SCAMP1: variants seen among roughly 807,000 people sequenced by gnomAD.
SCAMP1 encodes secretory carrier-associated membrane protein 1.
SCAMP1 carries 15 observed loss-of-function variants against 41.8 expected under a neutral mutation model. The ratio of observed to expected loss-of-function variants is 0.36; its 90% confidence interval spans 0.24 to 0.55. The LOEUF is 0.55. SCAMP1 is among the 20% of genes least tolerant of loss of function. The probability of loss-of-function intolerance (pLI) is 0.86; values close to 1 mark genes in which losing one functional copy is unlikely to be tolerated. For synonymous variants in SCAMP1, 135 were observed against 136.8 expected, an observed-to-expected ratio of 0.99 and a Z score of 0.09; for missense variants, 341 against 412.6, an observed-to-expected ratio of 0.83 and a Z score of 1.50.
intron 1 of SCAMP1, among the ~76,000 whole-genome samples, chr5:78,387,364 T>TC (rs1375779269): frequency 1.3e-5 from 1 of 79,816 alleles, no homozygotes; most frequent in Non-Finnish European, 2.7e-5. Flanking sequence ...TCCTGTATCT[T>TC]TTTTTTTTTT....
At chr5:78,378,541 T>C (rs1285536860) in intron 1 of SCAMP1, among the ~76,000 whole-genome samples, 1 of 152,242 alleles carries the variant, frequency 6.6e-6, no homozygotes, top group Non-Finnish European at 1.5e-5. Context: ...AAACTAATTG[T>C]GCTAGATGTA....
rs3815954 is a variant in SCAMP1 at position 78,418,572 on chromosome 5, G to T, written c.344-203G>T. Among the ~76,000 whole-genome samples, 179 of 152,104 alleles carry T rather than the reference G, an allele frequency of 1.2e-3. 1 individual carries two copies. The East Asian group carries it at 0.033, about 28-fold the overall frequency. On this transcript the variant is annotated intron_variant, in intron 4 of 8. Transcript: ENST00000621999. The stretch of plus-strand genomic sequence containing the variant: ...GGAAAATTATTTTACTATCTAATGT[G>T]CTCTAAGGTGATGATATTCTGAGAA...
At chr5:78,473,133 G>A (rs537855629) in intron 8 of SCAMP1, among the ~76,000 whole-genome samples, 1 of 151,926 alleles carries the variant, frequency 6.6e-6, no homozygotes, top group African/African-American at 2.4e-5. Context: ...TAGTGCTAAG[G>A]TACTAGGGGA....
Position 78,480,048 on chromosome 5 carries a change from GA to G in SCAMP1, c.*4392del, listed in dbSNP as rs11453663. On this transcript the variant is annotated 3_prime_UTR_variant, in exon 9 of 9. Coordinates refer to ENST00000621999, the MANE Select transcript of SCAMP1 (RefSeq NM_004866.6). ...GCGACAGAGCGAGACTCCATCTCAAGAAAAAAAAAAAAGAATTTTCATTAGT... is the reference window on the plus strand; with the variant it reads ...GCGACAGAGCGAGACTCCATCTCAAGAAAAAAAAAAAGAATTTTCATTAGT... 1.3e-4 allele frequency among the ~76,000 whole-genome samples: 19 copies of G among 145,432 alleles called. No individual in the cohort carries two copies. Among genetic ancestry groups the G allele is most frequent in the South Asian group, 2.2e-4 (1 of 4,608 alleles).
intron 3 of SCAMP1, 50 bp downstream of exon 3, chr5:78,415,668 T>C: frequency 8.8e-7 from 1 of 1,130,838 alleles, no homozygotes; most frequent in East Asian, 2.5e-5. Context: ...ATAATATCAA[T>C]AACATTTGCT....
intron 2 of SCAMP1, among the ~76,000 whole-genome samples, chr5:78,412,478 C>T (rs1324303335): frequency 6.6e-6 from 1 of 152,002 alleles, no homozygotes; most frequent in Non-Finnish European, 1.5e-5. Flanking sequence ...ATTCTCCCAA[C>T]AGCATTTGCT....
In SCAMP1 at chr5:78,479,846, T is replaced by G. The variant is rs1754094551; in HGVS notation, c.*4178T>G. ...TCACGAGGTCAGGAGATCGAAACCA[T>G]CCTGGCTAACATGGTGAAACCCCAT... On this transcript the variant is annotated 3_prime_UTR_variant, in exon 9 of 9. Transcript: ENST00000621999. 1.3e-5 allele frequency among the ~76,000 whole-genome samples: 2 copies of G among 151,698 alleles called. No individual in the cohort carries two copies. The highest frequency in any genetic ancestry group is 2.9e-5 in the Non-Finnish European group (2 of 67,914).
Position 78,479,568 on chromosome 5 carries a change from G to A in SCAMP1, c.*3900G>A, listed in dbSNP as rs1435261397. On this transcript the variant is annotated 3_prime_UTR_variant, in exon 9 of 9. Transcript: ENST00000621999. ...CTTTATCACAGTATGTAGAGAGCTA[G>A]AAATAAATCTAGAAACTTTCTAAGC... 6.6e-6 allele frequency among the ~76,000 whole-genome samples: 1 copy of A among 152,140 alleles called. No individual in the cohort carries two copies. The highest frequency in any genetic ancestry group is 1.5e-5 in the Non-Finnish European group (1 of 68,006).
At chr5:78,396,568 T>A (rs939746726) in intron 2 of SCAMP1, among the ~76,000 whole-genome samples, 4 of 152,102 alleles carry the variant, frequency 2.6e-5, no homozygotes, top group Non-Finnish European at 5.9e-5. Flanking sequence ...ATCAGAGAGG[T>A]CTGGGCTGGA....
At chr5:78,366,686 A>G (rs1289435795) in intron 1 of SCAMP1, among the ~76,000 whole-genome samples, 1 of 152,140 alleles carries the variant, frequency 6.6e-6, no homozygotes, top group East Asian at 1.9e-4. Flanking sequence ...CTCCTCCCTT[A>G]TCTGTTTAAA....
chr5:78,409,941 T>G (rs770274052), intron 2 of SCAMP1, among the ~76,000 whole-genome samples: 8 of 152,142 alleles, frequency 5.3e-5, no homozygotes, highest in Non-Finnish European at 1.2e-4. Flanking sequence ...ATTTGGTCAT[T>G]GTTTTATTGT....
intron 2 of SCAMP1, among the ~76,000 whole-genome samples, chr5:78,406,349 C>T (rs904056328): frequency 6.6e-6 from 1 of 152,094 alleles, no homozygotes; most frequent in African/African-American, 2.4e-5. Flanking sequence ...TTCTTTTAGA[C>T]CCTACATACA....
Position 78,479,505 on chromosome 5 carries a change from A to G in SCAMP1, c.*3837A>G, listed in dbSNP as rs1022141513. On this transcript the variant is annotated 3_prime_UTR_variant, in exon 9 of 9. Coordinates refer to ENST00000621999, the MANE Select transcript of SCAMP1 (RefSeq NM_004866.6). Reference sequence around the variant, plus strand: ...TTTAGGGCATATTTTATAAAGCAGCATGCCTGTAATATTGGTGGGTATTTT... The same window carrying G: ...TTTAGGGCATATTTTATAAAGCAGCGTGCCTGTAATATTGGTGGGTATTTT... Among the ~76,000 whole-genome samples, 1 of 152,234 alleles carries G rather than the reference A, an allele frequency of 6.6e-6. No homozygotes were observed. The highest frequency in any genetic ancestry group is 1.5e-5 in the Non-Finnish European group (1 of 68,030).
chr5:78,460,803 TCCTCCCTTC>T (rs1561287186), intron 8 of SCAMP1, among the ~76,000 whole-genome samples: 7 of 45,760 alleles, frequency 1.5e-4, no homozygotes, highest in South Asian at 7.9e-4. Context: ...CTTCCTTCCT[TCCTCCCTTC>T]CTTCCTTCCT....
chr5:78,388,913 C>G lies in SCAMP1; in HGVS notation c.134C>G (p.Thr45Arg). 1 of 1,436,030 alleles carries G rather than the reference C, an allele frequency of 7.0e-7. No homozygotes were observed. Among genetic ancestry groups the G allele is most frequent in the Non-Finnish European group, 9.6e-7 (1 of 1,038,356 alleles). 89.0% of individuals were successfully genotyped at this position (1,436,030 alleles called of 1,614,324 possible). A position where few individuals can be genotyped will look rare whatever the true frequency, so the allele number is the denominator to read the frequency against. Residue 45 changes from threonine (T) to arginine (R), a missense_variant and splice_region_variant, in exon 2 of 9, where the codon ACA becomes AGA. Coordinates refer to ENST00000621999, the MANE Select transcript of SCAMP1 (RefSeq NM_004866.6). ...DEYNPFSDSR[T>R]PPPGGVKMPN... ...TATAATCCATTCTCGGATTCTAGAA[C>G]AGTAAGATTATTCTTGCTTTTAAAT...
intron 6 of SCAMP1, among the ~76,000 whole-genome samples, chr5:78,442,238 G>A (rs1336680023): frequency 6.6e-6 from 1 of 152,166 alleles, no homozygotes; most frequent in Non-Finnish European, 1.5e-5. Flanking sequence ...AGGTATCATG[G>A]AGGCTTATTT....
intron 2 of SCAMP1, among the ~76,000 whole-genome samples, chr5:78,390,091 C>T (rs1431049074): frequency 6.6e-6 from 1 of 152,102 alleles, no homozygotes; most frequent in Non-Finnish European, 1.5e-5. Flanking sequence ...CTGAAATGAG[C>T]CCTTAACCTG....
intron 1 of SCAMP1, among the ~76,000 whole-genome samples, chr5:78,361,701 A>G (rs906131211): frequency 5.9e-5 from 9 of 152,258 alleles, no homozygotes; most frequent in African/African-American, 2.2e-4. Flanking sequence ...ATTTGTTTCC[A>G]ACTGTTGGTT....
In SCAMP1 at chr5:78,461,752, C is replaced by T. The variant is rs1239284119; in HGVS notation, c.852+2390C>T. Reference sequence around the variant, plus strand: ...CTGATTTTTGTATTTTTAGCAGAGACGGGATTTCACCATGTTGGCCAGGTT... The same window carrying T: ...CTGATTTTTGTATTTTTAGCAGAGATGGGATTTCACCATGTTGGCCAGGTT... On this transcript the variant is annotated intron_variant, in intron 8 of 8. Coordinates refer to ENST00000621999, the MANE Select transcript of SCAMP1 (RefSeq NM_004866.6). Among the ~76,000 whole-genome samples, 3 of 152,064 alleles carry T rather than the reference C, an allele frequency of 2.0e-5. No homozygotes were observed. In the East Asian group the frequency reaches 5.8e-4, roughly 30 times the overall value.
Sources: allele counts gnomAD v4.1 joint callset (sites outside exome capture counted in the v4.1 genomes callset), GRCh38; gene constraint gnomAD v4.1.1; transcripts MANE v1.5; gene names NCBI Gene and HGNC (gene_info 2026-07-23, HGNC 2026-07-21).